The following HCN4 variants were observed in gnomAD, a reference collection of about 807,000 sequenced individuals.
HCN4 encodes potassium/sodium hyperpolarization-activated cyclic nucleotide-gated channel 4.
A neutral mutation model predicts 76.9 loss-of-function variants in HCN4; 29 were observed. The ratio of observed to expected loss-of-function variants is 0.38; its 90% confidence interval spans 0.28 to 0.51. HCN4 has a LOEUF of 0.51. Among genes scored for constraint, HCN4 ranks in the 20% least tolerant of loss-of-function variants. The pLI is 0.90. For missense variants in HCN4, 1,416 were observed against 1,715.2 expected (o/e 0.83, Z 3.08); for synonymous variants, 772 against 762.5 (o/e 1.01, Z -0.21).
At chr15:73,345,937 C>T (rs1181423911) in intron 1 of HCN4, among the ~76,000 whole-genome samples, 1 of 152,162 alleles carries the variant, frequency 6.6e-6, no homozygotes, top group African/African-American at 2.4e-5. Context: ...CTACACTCTC[C>T]CCAGCTCTAG....
At chr15:73,327,268 C>CA (rs1490040909) in intron 4 of HCN4, among the ~76,000 whole-genome samples, 1 of 151,910 alleles carries the variant, frequency 6.6e-6, no homozygotes, top group Non-Finnish European at 1.5e-5. Context: ...CCACCACGCC[C>CA]AGCTAATTTT....
chr15:73,332,452 G>A (rs562120070), intron 2 of HCN4, among the ~76,000 whole-genome samples, 160 bp from the exon 3 acceptor site: 8 of 152,224 alleles, frequency 5.3e-5, no homozygotes, highest in Non-Finnish European at 7.3e-5. Flanking sequence ...ATGGGAAGGC[G>A]TCAGTCTAGG....
At chr15:73,361,215 G>A (rs1051682744) in intron 1 of HCN4, among the ~76,000 whole-genome samples, 3 of 152,154 alleles carry the variant, frequency 2.0e-5, no homozygotes, top group Non-Finnish European at 2.9e-5. Context: ...TATCTTGAGC[G>A]CCCACGGTGA....
rs1555477973 is a variant in HCN4 at position 73,353,004 on chromosome 15, A to AGATGGACAGATG, written c.786-9197_786-9196insCATCTGTCCATC. Reference sequence around the variant, plus strand: ...CTTATTGTTAAATGGATGGATGGACAGATGGATGGATGGATGGATGGATGG... The same window carrying AGATGGACAGATG: ...CTTATTGTTAAATGGATGGATGGACAGATGGACAGATGGATGGATGGATGGATGGATGGATGG... On this transcript the variant is annotated intron_variant, in intron 1 of 7. Coordinates refer to ENST00000261917, the MANE Select transcript of HCN4 (RefSeq NM_005477.3). Among the ~76,000 whole-genome samples, 732 of 150,918 alleles carry AGATGGACAGATG rather than the reference A, an allele frequency of 4.9e-3. 5 individuals are homozygous for AGATGGACAGATG. The highest frequency in any genetic ancestry group is 0.012 in the South Asian group (56 of 4,756).
chr15:73,333,406 C>T (rs2042944315), intron 2 of HCN4, among the ~76,000 whole-genome samples: 1 of 152,190 alleles, frequency 6.6e-6, no homozygotes, highest in Non-Finnish European at 1.5e-5. Flanking sequence ...GGGTCAAATG[C>T]CACAGAGACC....
chr15:73,367,912 C>T lies in HCN4; in HGVS notation c.359G>A (p.Gly120Glu), dbSNP rs1278512599. ...CTCCTCCGCGGAGTCATGCAGGTGT[C>T]CGTGACTGCTGCCGCTCCCCGTGCC... ...SGGTGSGSSHGHLHDSAEERR... is the reference protein window; with the variant it reads ...SGGTGSGSSHEHLHDSAEERR... Residue 120 changes from glycine (G) to glutamate (E), a missense_variant, in exon 1 of 8, where the codon GGA becomes GAA. Gly to Glu is a moderately conservative substitution (Grantham distance 98). Coordinates refer to ENST00000261917, the MANE Select transcript of HCN4 (RefSeq NM_005477.3). The surrounding 1 kb of genome is among the most constrained non-coding windows in gnomAD (Gnocchi z 7.5). The T allele has an allele frequency of 1.4e-6, 2 of 1,384,142 alleles. No homozygotes were observed. Among genetic ancestry groups the T allele is most frequent in the Non-Finnish European group, 1.9e-6 (2 of 1,071,226 alleles). The allele number at this position is 1,384,142 out of a possible 1,614,324, so 85.7% of individuals were successfully genotyped here.
At position 73,368,240 on chromosome 15, in the gene HCN4, G is replaced by T; in HGVS notation, c.31C>A (p.Arg11=). ...ACCTGCTGCGGGAGGCTGTAGAGCCGCTTGCGCATGGACGGCGGCAGCTTG... is the reference window on the plus strand; with the variant it reads ...ACCTGCTGCGGGAGGCTGTAGAGCCTCTTGCGCATGGACGGCGGCAGCTTG... The part of the protein sequence containing the change: MDKLPPSMRK[R]LYSLPQQVGA... The change falls in exon 1 of 8, where the codon CGG becomes AGG. Residue 11 remains arginine, a synonymous_variant. Transcript: ENST00000261917. This position sits in a 1 kb window ranked among gnomAD's most constrained non-coding sequence, Gnocchi z 6.9. 2 of 1,510,040 alleles carry T rather than the reference G, an allele frequency of 1.3e-6. No homozygotes were observed. Among genetic ancestry groups the T allele is most frequent in the Non-Finnish European group, 8.8e-7 (1 of 1,131,820 alleles). The allele number at this position is 1,510,040 out of a possible 1,614,324, so 93.5% of individuals were successfully genotyped here.
At chr15:73,334,555 C>T (rs1001276733) in intron 2 of HCN4, among the ~76,000 whole-genome samples, 5 of 151,994 alleles carry the variant, frequency 3.3e-5, no homozygotes, top group Admixed American at 3.3e-4. Flanking sequence ...CAGGATGCCA[C>T]TAGCTCCCCA....
At position 73,322,549 on chromosome 15, in the gene HCN4, C is replaced by A. The variant is rs773772247; in HGVS notation, c.3544G>T (p.Ala1182Ser). 1 of 1,606,468 alleles carries A rather than the reference C, an allele frequency of 6.2e-7. No homozygotes were observed. Among genetic ancestry groups the A allele is most frequent in the Non-Finnish European group, 8.5e-7 (1 of 1,176,730 alleles). Residue 1182 changes from alanine (A) to serine (S), a missense_variant, in exon 8 of 8, where the codon GCT (alanine) becomes TCT (serine). Coordinates refer to ENST00000261917, the MANE Select transcript of HCN4 (RefSeq NM_005477.3). ...ATSSGGPPLT[A>S]GPQREPGARP... ...GCCCCAGGTTCCCTCTGGGGTCCAGCAGTCAGAGGGGGCCCCCCAGAAGAG... is the reference window on the plus strand; with the variant it reads ...GCCCCAGGTTCCCTCTGGGGTCCAGAAGTCAGAGGGGGCCCCCCAGAAGAG...
In HCN4 at chr15:73,322,382, AATT is replaced by A; in HGVS notation, c.*96_*98del. 1.0e-6 allele frequency: 1 copy of A among 999,514 alleles called. No homozygotes were observed. Among genetic ancestry groups the A allele is most frequent in the South Asian group, 1.4e-5 (1 of 72,150 alleles). 61.9% of individuals were successfully genotyped at this position (999,514 alleles called of 1,614,324 possible). A position where few individuals can be genotyped will look rare whatever the true frequency, so the allele number is the denominator to read the frequency against. ...TTCTGGTGTGTGTGGTTTTTTAAAT[AATT>A]ATTACTGTTATTGGTATATCTCCTA... On this transcript the variant is annotated 3_prime_UTR_variant, in exon 8 of 8. Transcript: ENST00000261917.
chr15:73,333,276 G>A (rs2042943307), intron 2 of HCN4, among the ~76,000 whole-genome samples: 1 of 152,172 alleles, frequency 6.6e-6, no homozygotes, highest in Admixed American at 6.5e-5. Context: ...GAAAGTCTCT[G>A]GAAGCTCTGG....
At chr15:73,365,473 C>T (rs1051504014) in intron 1 of HCN4, among the ~76,000 whole-genome samples, 1 of 152,202 alleles carries the variant, frequency 6.6e-6, no homozygotes, top group African/African-American at 2.4e-5. Flanking sequence ...TTCCCTATCC[C>T]CACACCCTCT....
At position 73,343,915 on chromosome 15, in the gene HCN4, G is replaced by A. The variant is rs2043019035; in HGVS notation, c.786-107C>T. Reference sequence around the variant, plus strand: ...CATCTGGGACAGAGAAGTCTTGGGAGGTTCTGAGACAGGAAGACAGGCACA... The same window carrying A: ...CATCTGGGACAGAGAAGTCTTGGGAAGTTCTGAGACAGGAAGACAGGCACA... On this transcript the variant is annotated intron_variant, in intron 1 of 7. Coordinates refer to ENST00000261917, the MANE Select transcript of HCN4 (RefSeq NM_005477.3). The surrounding 1 kb of genome is among the most constrained non-coding windows in gnomAD (Gnocchi z 5.7). 9 of 1,223,728 alleles carry A rather than the reference G, an allele frequency of 7.4e-6. No individual in the cohort carries two copies. The highest frequency in any genetic ancestry group is 1.1e-5 in the Non-Finnish European group (9 of 840,272). 75.8% of individuals were successfully genotyped at this position (1,223,728 alleles called of 1,614,324 possible). A position where few individuals can be genotyped will look rare whatever the true frequency, so the allele number is the denominator to read the frequency against.
Position 73,323,093 on chromosome 15 carries a change from C to A in HCN4, c.3000G>T (p.Gln1000His). ...CTGCCACAAGGGACGGCGGCTCAGG[C>A]TGCCGTGGGGGTGTCTCTGGCGTGC... ...PLSTPETPPRQPEPPSLVAGA... is the reference protein window; with the variant it reads ...PLSTPETPPRHPEPPSLVAGA... The change falls in exon 8 of 8, where the codon CAG becomes CAT. Residue 1000 changes from glutamine to histidine, a missense_variant. Around this residue, in one of 6 missense-constraint regions of HCN4, gnomAD observed 633 missense variants for 579.8 expected, o/e 1.09. Transcript: ENST00000261917. 6.3e-7 allele frequency: 1 copy of A among 1,585,000 alleles called. No individual in the cohort carries two copies. Among genetic ancestry groups the A allele is most frequent in the Middle Eastern group, 1.7e-4 (1 of 5,920 alleles).
intron 2 of HCN4, among the ~76,000 whole-genome samples, chr15:73,337,004 T>C (rs548485909): frequency 2.0e-5 from 3 of 152,338 alleles, no homozygotes; most frequent in Admixed American, 2.0e-4. Context: ...CCTTCCTTCA[T>C]GTCCTTGAAT....
chr15:73,332,017 A>AGC, intron 3 of HCN4, 114 bp downstream of exon 3: 1 of 1,008,522 alleles, frequency 9.9e-7, no homozygotes, highest in Non-Finnish European at 1.6e-6. Context: ...AGCCCCAGGC[A>AGC]GCACTCAGGG....
chr15:73,353,519 G>A (rs115491520), intron 1 of HCN4, among the ~76,000 whole-genome samples: 1,971 of 152,278 alleles, frequency 0.013, 46 homozygotes, highest in African/African-American at 0.045. Context: ...ACACAGACAC[G>A]TGACACGCAT....
At chr15:73,360,625 CCTCTCT>C (rs140768890) in intron 1 of HCN4, among the ~76,000 whole-genome samples, 6 of 150,290 alleles carry the variant, frequency 4.0e-5, no homozygotes, top group Non-Finnish European at 8.9e-5. Context: ...ATTTGGGGGA[CCTCTCT>C]CTCTCTCTCT....
rs1404443905 is a variant in HCN4 at position 73,368,284 on chromosome 15, G to C, written c.-14C>G. The C allele has an allele frequency of 1.4e-6, 2 of 1,477,520 alleles. No individual in the cohort carries two copies. The highest frequency in any genetic ancestry group is 1.8e-6 in the Non-Finnish European group (2 of 1,118,286). The allele number at this position is 1,477,520 out of a possible 1,614,324, so 91.5% of individuals were successfully genotyped here. A position where few individuals can be genotyped will look rare whatever the true frequency, so the allele number is the denominator to read the frequency against. The stretch of plus-strand genomic sequence containing the variant: ...CAGCTTGTCCATGGCGCCAGGGGCC[G>C]GGGTCGGACCGGGCCGGGGGCAGGA... On this transcript the variant is annotated 5_prime_UTR_variant, in exon 1 of 8. Coordinates refer to ENST00000261917, the MANE Select transcript of HCN4 (RefSeq NM_005477.3). This position sits in a 1 kb window ranked among gnomAD's most constrained non-coding sequence, Gnocchi z 6.9.
Sources: allele counts gnomAD v4.1 joint callset (sites outside exome capture counted in the v4.1 genomes callset), GRCh38; gene constraint gnomAD v4.1.1; regional missense constraint gnomAD v4.1.1; non-coding constraint Gnocchi (gnomAD v3.1); transcripts MANE v1.5; gene names NCBI Gene and HGNC (gene_info 2026-07-23, HGNC 2026-07-21).